PPP1R21: variants seen among roughly 807,000 people sequenced by gnomAD.
PPP1R21 encodes KLRAQ motif containing 1.
A neutral mutation model predicts 112.8 loss-of-function variants in PPP1R21; 85 were observed. The ratio of observed to expected loss-of-function variants is 0.75; its 90% CI spans 0.63 to 0.90. The LOEUF is 0.90. Among genes scored for constraint, PPP1R21 ranks in the 40% least tolerant of loss-of-function variants. The pLI is 0.00. For missense variants in PPP1R21, 1,199 were observed against 901.5 expected (o/e 1.33, Z -4.23); for synonymous variants, 381 against 322.3 (o/e 1.18, Z -1.95).
At chr2:48,454,192 C>T (rs992869712) in intron 2 of PPP1R21, among the ~76,000 whole-genome samples, 8 of 152,082 alleles carry the variant, frequency 5.3e-5, no homozygotes, top group Non-Finnish European at 4.4e-5. Flanking sequence ...ACTCGGGTGG[C>T]GGAGGTTGCA....
intron 13 of PPP1R21, among the ~76,000 whole-genome samples, chr2:48,480,950 C>T (rs575644344): frequency 1.8e-4 from 28 of 152,274 alleles, no homozygotes; most frequent in African/African-American, 5.5e-4. Flanking sequence ...ATTCAGTCTA[C>T]GGTATGGGCC....
chr2:48,467,607 G>A (rs1668261789), intron 9 of PPP1R21, among the ~76,000 whole-genome samples: 2 of 152,160 alleles, frequency 1.3e-5, no homozygotes, highest in African/African-American at 4.8e-5. Flanking sequence ...TTATTGCCTG[G>A]CTCTTTGAGT....
chr2:48,455,935 A>G (rs1369233266), intron 3 of PPP1R21, among the ~76,000 whole-genome samples: 1 of 150,092 alleles, frequency 6.7e-6, no homozygotes, highest in Non-Finnish European at 1.5e-5. Context: ...GAATGGCGTG[A>G]ACCTGGGAGG....
chr2:48,443,128 C>T (rs923025736), intron 1 of PPP1R21, among the ~76,000 whole-genome samples: 6 of 152,026 alleles, frequency 3.9e-5, no homozygotes, highest in African/African-American at 1.2e-4. Context: ...TTTTTGAGTG[C>T]CTGCTGTGTG....
intron 13 of PPP1R21, among the ~76,000 whole-genome samples, 154 bp from the exon 14 acceptor site, chr2:48,486,477 A>C (rs1472178719): frequency 6.6e-6 from 1 of 152,142 alleles, no homozygotes; most frequent in Non-Finnish European, 1.5e-5. Context: ...TTGTGACCTA[A>C]TTGATACTCA....
Position 48,474,586 on chromosome 2 carries a change from C to G in PPP1R21, c.1089-97C>G, listed in dbSNP as rs998063661. 2.2e-5 allele frequency: 24 copies of G among 1,106,688 alleles called. No individual in the cohort carries two copies. The South Asian group carries it at 3.4e-4, about 16-fold the overall frequency. The allele number at this position is 1,106,688 out of a possible 1,614,324, so 68.6% of individuals were successfully genotyped here. A position where few individuals can be genotyped will look rare whatever the true frequency, so the allele number is the denominator to read the frequency against. ...TCAAATTCTTTTTTCTGCAATATCT[C>G]TCTTTGGATATAGTTGTTTGAGAAC... is the stretch of plus-strand genomic sequence containing the variant. On this transcript the variant is annotated intron_variant, in intron 11 of 21. Transcript: ENST00000294952.
chr2:48,458,043 T>C, intron 3 of PPP1R21, 83 bp from the exon 4 acceptor site: 1 of 894,650 alleles, frequency 1.1e-6, no homozygotes. Flanking sequence ...GACAAGCTTC[T>C]AAGATGATAG....
chr2:48,496,935 G>C (rs558901811), intron 16 of PPP1R21, among the ~76,000 whole-genome samples: 1 of 152,340 alleles, frequency 6.6e-6, no homozygotes, highest in East Asian at 1.9e-4. Flanking sequence ...TGGAAAGTCT[G>C]CACCCCTTCC....
At chr2:48,469,769 G>A (rs1668423068) in intron 9 of PPP1R21, among the ~76,000 whole-genome samples, 1 of 151,832 alleles carries the variant, frequency 6.6e-6, no homozygotes, top group Non-Finnish European at 1.5e-5. Context: ...TACCTTTGGT[G>A]CTTTGGCCTA....
At chr2:48,485,197 C>A (rs1363829881) in intron 13 of PPP1R21, among the ~76,000 whole-genome samples, 1 of 152,116 alleles carries the variant, frequency 6.6e-6, no homozygotes, top group East Asian at 1.9e-4. Flanking sequence ...AATCCCACTA[C>A]TATGTTCACC....
rs560476160 is a variant in PPP1R21 at position 48,500,708 on chromosome 2, C to G, written c.1935+1973C>G. On this transcript the variant is annotated intron_variant, in intron 17 of 21. Transcript: ENST00000294952. Reference sequence around the variant, plus strand: ...GGTGGATTGCCTGAGCTCAGGAGTTCGAGACCTGGGCAACAAGGTGAAACC... The same window carrying G: ...GGTGGATTGCCTGAGCTCAGGAGTTGGAGACCTGGGCAACAAGGTGAAACC... Among the ~76,000 whole-genome samples the G allele has an allele frequency of 1.1e-4, 17 of 152,126 alleles. 2 individuals are homozygous for G. The highest frequency in any genetic ancestry group is 3.9e-4 in the African/African-American group (16 of 41,522).
rs574875435 is a variant in PPP1R21, at chr2:48,491,535, G to A, written c.1599+365G>A. 9.6e-4 allele frequency among the ~76,000 whole-genome samples: 42 copies of A among 43,632 alleles called. No homozygotes were observed. In the South Asian group the frequency reaches 0.041, roughly 42 times the overall value. The allele number at this position is 43,632 out of a possible 152,430, so 28.6% of individuals were successfully genotyped here. On this transcript the variant is annotated intron_variant, in intron 15 of 21. Transcript: ENST00000294952. Reference sequence around the variant, plus strand: ...TTTTTCTGAATAAGAATATGCAGTTGTTGCAAAAAAAAAGAAAAAAAAAAG... The same window carrying A: ...TTTTTCTGAATAAGAATATGCAGTTATTGCAAAAAAAAAGAAAAAAAAAAG...
chr2:48,511,247 C>G, intron 20 of PPP1R21, 93 bp from the exon 21 acceptor site: 2 of 1,236,146 alleles, frequency 1.6e-6, no homozygotes, highest in East Asian at 2.4e-5. Flanking sequence ...ACTATAATTT[C>G]CCTACTCCAC....
chr2:48,470,618 T>G (rs766145695), intron 9 of PPP1R21, among the ~76,000 whole-genome samples: 1 of 152,130 alleles, frequency 6.6e-6, no homozygotes, highest in Non-Finnish European at 1.5e-5. Context: ...TAAGCTTTCC[T>G]CAATAGGCTT....
chr2:48,494,284 G>A (rs1308630511), intron 15 of PPP1R21, among the ~76,000 whole-genome samples: 4 of 129,754 alleles, frequency 3.1e-5, no homozygotes, highest in African/African-American at 1.2e-4. Flanking sequence ...AAAAAGTCAT[G>A]TCAAAAATGC....
chr2:48,458,247 T>G lies in PPP1R21; in HGVS notation c.375+20T>G. The G allele has an allele frequency of 6.5e-7, 1 of 1,534,372 alleles. No homozygotes were observed. The highest frequency in any genetic ancestry group is 9.0e-7 in the Non-Finnish European group (1 of 1,110,254). On this transcript the variant is annotated intron_variant, in intron 4 of 21. Coordinates refer to ENST00000294952, the MANE Select transcript of PPP1R21 (RefSeq NM_001135629.3). ...ATACAAGTGAGAAAATCTGTTTTTC[T>G]ATGTGAATTAAAAAATGGGTCTGTG...
chr2:48,488,635 A>G (rs895737237), intron 14 of PPP1R21, among the ~76,000 whole-genome samples: 3 of 152,288 alleles, frequency 2.0e-5, no homozygotes, highest in Non-Finnish European at 4.4e-5. Flanking sequence ...TGCATACGTC[A>G]TAGTTTATTT....
At chr2:48,459,655 A>G in intron 4 of PPP1R21, 99 bp from the exon 5 acceptor site, 2 of 1,325,522 alleles carry the variant, frequency 1.5e-6, no homozygotes, top group Non-Finnish European at 2.1e-6. Context: ...AGCATATGGA[A>G]CCATGTGGAA....
rs201931956 is a variant in PPP1R21 at position 48,507,337 on chromosome 2, G to T, written c.2037G>T (p.Thr679=). 1 of 1,594,980 alleles carries T rather than the reference G, an allele frequency of 6.3e-7. No individual in the cohort carries two copies. Among genetic ancestry groups the T allele is most frequent in the Non-Finnish European group, 8.5e-7 (1 of 1,173,928 alleles). The part of the protein sequence containing the change: ...NHYMARIVEL[T]SQLQLADSKS... ...ACATGGCAAGGATAGTGGAACTTACGTCTCAGTTGCAGCTGGCTGACAGTA... is the reference window on the plus strand; with the variant it reads ...ACATGGCAAGGATAGTGGAACTTACTTCTCAGTTGCAGCTGGCTGACAGTA... Residue 679 remains threonine, a synonymous_variant, in exon 19 of 22, where the codon ACG becomes ACT. Transcript: ENST00000294952.
Sources: gnomAD v4.1 joint callset for allele counts (sites outside exome capture counted in the v4.1 genomes callset) on GRCh38, gnomAD v4.1.1 for gene constraint, MANE v1.5 for transcripts, NCBI Gene and HGNC (gene_info 2026-07-23, HGNC 2026-07-21) for gene names.